EGFR: variants seen among roughly 807,000 people sequenced by gnomAD.
EGFR encodes avian erythroblastic leukemia viral (v-erb-b) oncogene homolog.
EGFR carries 58 observed loss-of-function variants against 143.0 expected under a neutral mutation model. The observed-to-expected ratio is 0.41, with a 90% CI of 0.33 to 0.50. The LOEUF is 0.50. EGFR is among the 20% of genes least tolerant of loss of function. The probability of loss-of-function intolerance (pLI) is 0.39; values close to 1 mark genes in which losing one functional copy is unlikely to be tolerated. For synonymous variants in EGFR, 613 were observed against 594.4 expected (o/e 1.03, Z -0.45); for missense variants, 1,307 against 1,579.0 (o/e 0.83, Z 2.92).
chr7:55,042,037 G>A (rs1787926530), intron 1 of EGFR, among the ~76,000 whole-genome samples: 1 of 152,176 alleles, frequency 6.6e-6, no homozygotes, highest in Admixed American at 6.5e-5. Context: ...ATTCAAGTTA[G>A]TATAAATTGA....
rs1302601303 is a variant in EGFR at position 55,152,529 on chromosome 7, C to T, written c.629-17C>T. The T allele has an allele frequency of 6.2e-7, 1 of 1,610,240 alleles. No homozygotes were observed. Among genetic ancestry groups the T allele is most frequent in the Non-Finnish European group, 8.5e-7 (1 of 1,176,586 alleles). The stretch of plus-strand genomic sequence containing the variant: ...CCCTCACTCTTCAGCTCACAGGGAA[C>T]CTTTGCTCTTTTTCAGTGACCAAAA... On this transcript the variant is annotated splice_polypyrimidine_tract_variant and intron_variant, in intron 5 of 27. Transcript: ENST00000275493.
intron 1 of EGFR, among the ~76,000 whole-genome samples, chr7:55,030,206 A>G (rs934783247): frequency 6.6e-6 from 1 of 152,182 alleles, no homozygotes; most frequent in Non-Finnish European, 1.5e-5. Flanking sequence ...TCAAGACGTC[A>G]TTGGGTTTTT....
intron 1 of EGFR, among the ~76,000 whole-genome samples, chr7:55,051,489 T>C (rs1788484419): frequency 7.2e-6 from 1 of 138,570 alleles, no homozygotes; most frequent in Non-Finnish European, 1.6e-5. Context: ...CTCTTGCTTT[T>C]CTGCCTTCTG....
intron 1 of EGFR, among the ~76,000 whole-genome samples, chr7:55,052,080 C>A (rs897452988): frequency 1.3e-5 from 2 of 152,172 alleles, no homozygotes; most frequent in Non-Finnish European, 2.9e-5. Flanking sequence ...ATGAGAGGAC[C>A]CTGGATCCCA....
chr7:55,080,330 C>G (rs965047659), intron 1 of EGFR, among the ~76,000 whole-genome samples: 2 of 150,140 alleles, frequency 1.3e-5, no homozygotes, highest in African/African-American at 4.9e-5. Flanking sequence ...CCAGTCACTG[C>G]TTGTGGTATA....
chr7:55,181,230 C>T (rs2128958059), intron 19 of EGFR, 63 bp from the exon 20 acceptor site: 1 of 1,569,738 alleles, frequency 6.4e-7, no homozygotes, highest in African/African-American at 1.3e-5. Flanking sequence ...TGGAAGGGGT[C>T]CATGTGCCCC....
intron 15 of EGFR, among the ~76,000 whole-genome samples, chr7:55,169,820 G>C (rs965901780): frequency 6.6e-6 from 1 of 152,178 alleles, no homozygotes; most frequent in Non-Finnish European, 1.5e-5. Flanking sequence ...GTCTGTCACA[G>C]CTTCTTGTTA....
chr7:55,147,781 C>T (rs543564160), intron 4 of EGFR, among the ~76,000 whole-genome samples: 12 of 152,238 alleles, frequency 7.9e-5, no homozygotes, highest in Non-Finnish European at 1.8e-4. Context: ...TCTCTGCTCT[C>T]CCTTCCTTCC....
intron 19 of EGFR, among the ~76,000 whole-genome samples, chr7:55,175,626 G>A (rs796805281): frequency 5.3e-5 from 8 of 152,222 alleles, no homozygotes; most frequent in African/African-American, 1.7e-4. Flanking sequence ...CTCAGGCAGC[G>A]GACTAGGGAA....
intron 1 of EGFR, among the ~76,000 whole-genome samples, chr7:55,127,939 A>G (rs909639179): frequency 1.3e-5 from 2 of 152,242 alleles, no homozygotes; most frequent in Non-Finnish European, 2.9e-5. Context: ...TGCGGGAGCC[A>G]GTAATAACCT....
In EGFR at chr7:55,201,372, T is replaced by C. The variant is rs1362066300; in HGVS notation, c.3114+17T>C. 3.1e-6 allele frequency: 5 copies of C among 1,611,852 alleles called. No individual in the cohort carries two copies. In the Admixed American group the frequency reaches 8.3e-5, roughly 27 times the overall value. On this transcript the variant is annotated intron_variant, in intron 25 of 27. Coordinates refer to ENST00000275493, the MANE Select transcript of EGFR (RefSeq NM_005228.5). The stretch of plus-strand genomic sequence containing the variant: ...AGCTCTCTGGTATGAAATCTCTGTC[T>C]CTCTCTCTCTCTCAAGCTGTGTCTA...
chr7:55,070,660 A>G (rs1789767911), intron 1 of EGFR, among the ~76,000 whole-genome samples: 1 of 152,232 alleles, frequency 6.6e-6, no homozygotes, highest in Non-Finnish European at 1.5e-5. Context: ...GATTATTTGC[A>G]AACGGCCCTG....
intron 1 of EGFR, among the ~76,000 whole-genome samples, chr7:55,047,190 G>A (rs958544528): frequency 6.6e-6 from 1 of 152,222 alleles, no homozygotes; most frequent in Non-Finnish European, 1.5e-5. Context: ...CATGGCTGCA[G>A]GCAAGGTCTG....
At chr7:55,112,483 G>A (rs537707712) in intron 1 of EGFR, among the ~76,000 whole-genome samples, 187 of 152,322 alleles carry the variant, frequency 1.2e-3, no homozygotes, top group African/African-American at 1.6e-3. Flanking sequence ...TTTTCACATC[G>A]CCTAGACATG....
chr7:55,110,953 C>T (rs757543067), intron 1 of EGFR, among the ~76,000 whole-genome samples: 7 of 152,172 alleles, frequency 4.6e-5, no homozygotes, highest in Admixed American at 6.5e-5. Context: ...TTCCTTCCAG[C>T]GAATGGAGTT....
chr7:55,151,448 G>T (rs1785146208), intron 5 of EGFR, 86 bp downstream of exon 5: 1 of 1,410,566 alleles, frequency 7.1e-7, no homozygotes, highest in African/African-American at 1.4e-5. Context: ...TTTTCCCTCT[G>T]AAGACTCCAA....
intron 1 of EGFR, among the ~76,000 whole-genome samples, chr7:55,102,319 C>T (rs908720879): frequency 2.0e-5 from 3 of 152,308 alleles, no homozygotes; most frequent in African/African-American, 4.8e-5. Context: ...CCTCCAGGAA[C>T]CCCAGCCACC....
At chr7:55,143,282 G>A (rs773909058) in intron 2 of EGFR, 23 bp from the exon 3 acceptor site, 38 of 1,613,502 alleles carry the variant, frequency 2.4e-5, no homozygotes, top group South Asian at 3.3e-5. Context: ...GAGAAATCAC[G>A]CATTTATGTT....
At chr7:55,164,098 C>A (rs1285282166) in intron 14 of EGFR, among the ~76,000 whole-genome samples, 1 of 152,230 alleles carries the variant, frequency 6.6e-6, no homozygotes, top group African/African-American at 2.4e-5. Context: ...CTGTTTTCAC[C>A]TGGTTTCCCC....
Sources: allele counts gnomAD v4.1 joint callset (sites outside exome capture counted in the v4.1 genomes callset), GRCh38; gene constraint gnomAD v4.1.1; transcripts MANE v1.5; gene names NCBI Gene and HGNC (gene_info 2026-07-23, HGNC 2026-07-21).